QTRT2: variants seen among roughly 807,000 people sequenced by gnomAD.
QTRT2 encodes queuine tRNA-ribosyltransferase domain containing 1.
A neutral mutation model predicts 44.8 loss-of-function variants in QTRT2; 32 were observed. The ratio of observed to expected loss-of-function variants is 0.71; its 90% confidence interval spans 0.54 to 0.96. The LOEUF (loss-of-function observed/expected upper bound fraction) is 0.96. Among genes scored for constraint, QTRT2 ranks in the 40% least tolerant of loss-of-function variants. The pLI is 0.00. For missense variants in QTRT2, 461 were observed against 503.1 expected (o/e 0.92, Z 0.80); for synonymous variants, 182 against 187.4 (o/e 0.97, Z 0.24).
intron 9 of QTRT2, among the ~76,000 whole-genome samples, chr3:114,085,310 C>T (rs1037728365): frequency 6.6e-6 from 1 of 152,070 alleles, no homozygotes; most frequent in South Asian, 2.1e-4. Flanking sequence ...TGGGTTCAAG[C>T]GATTCTCCTG....
chr3:114,063,227 C>A (rs182237342), intron 2 of QTRT2, among the ~76,000 whole-genome samples: 49 of 152,210 alleles, frequency 3.2e-4, no homozygotes, highest in African/African-American at 1.1e-3. Context: ...TTGTGCTTCC[C>A]CCTGCTTCAA....
intron 2 of QTRT2, among the ~76,000 whole-genome samples, chr3:114,064,170 G>A (rs1032210564): frequency 1.3e-5 from 2 of 151,918 alleles, no homozygotes; most frequent in African/African-American, 2.4e-5. Flanking sequence ...AGCTGAGATC[G>A]CTTCACTGCA....
chr3:114,066,679 A>T (rs547277900), intron 4 of QTRT2: 1 of 160,342 alleles, frequency 6.2e-6, no homozygotes. Context: ...AGGATTCTTG[A>T]GAGAGAAGTT....
At chr3:114,070,565 T>C in intron 5 of QTRT2, 61 bp from the exon 6 acceptor site, 1 of 1,383,730 alleles carries the variant, frequency 7.2e-7, no homozygotes, top group South Asian at 1.2e-5. Flanking sequence ...ATCATTTTAA[T>C]TATTTTATTT....
chr3:114,082,847 C>A, intron 9 of QTRT2, 53 bp downstream of exon 9: 1 of 825,154 alleles, frequency 1.2e-6, no homozygotes, highest in Non-Finnish European at 2.0e-6. Context: ...GAATTTTAGT[C>A]TGTGTTAAAA....
chr3:114,061,654 T>C (rs1319196218), intron 2 of QTRT2, among the ~76,000 whole-genome samples: 1 of 152,200 alleles, frequency 6.6e-6, no homozygotes, highest in African/African-American at 2.4e-5. Flanking sequence ...CATGGCTCAC[T>C]GCAGTCTCTG....
chr3:114,068,137 C>T (rs2076978754), intron 5 of QTRT2, 74 bp downstream of exon 5: 1 of 1,150,906 alleles, frequency 8.7e-7, no homozygotes, highest in African/African-American at 1.5e-5. Flanking sequence ...CCCTCAGATG[C>T]TCAGATCCCA....
At chr3:114,057,654 G>C (rs909640457) in intron 2 of QTRT2, 1 of 152,078 alleles carries the variant, frequency 6.6e-6, no homozygotes, top group Non-Finnish European at 1.5e-5. Flanking sequence ...TTTTCAAAAG[G>C]GTAAGTTAGC....
rs1406568778 is a variant in QTRT2, at chr3:114,077,180, T to C, written c.746+238T>C. 4 of 521,932 alleles carry C rather than the reference T, an allele frequency of 7.7e-6. No homozygotes were observed. In the East Asian group the frequency reaches 1.3e-4, roughly 18 times the overall value. The allele number at this position is 521,932 out of a possible 1,614,324, so 32.3% of individuals were successfully genotyped here. A position where few individuals can be genotyped will look rare whatever the true frequency, so the allele number is the denominator to read the frequency against. On this transcript the variant is annotated intron_variant, in intron 7 of 9. Coordinates refer to ENST00000281273, the MANE Select transcript of QTRT2 (RefSeq NM_024638.4). ...ATAATTGCCATTTGAATTATGTTAT[T>C]TGATCCTCCTAAGTGAGAGCAAGTA...
At chr3:114,069,729 G>A (rs9830121) in intron 5 of QTRT2, among the ~76,000 whole-genome samples, 14,739 of 152,180 alleles carry the variant, frequency 0.097, 794 homozygotes, top group East Asian at 0.13. Flanking sequence ...TCCTTATGGC[G>A]GAATGATTTA....
rs1439503461 is a variant in QTRT2 at position 114,058,569 on chromosome 3, G to A, written c.-22+1463G>A. On this transcript the variant is annotated intron_variant, in intron 2 of 9. Coordinates refer to ENST00000281273, the MANE Select transcript of QTRT2 (RefSeq NM_024638.4). ...TTTTTTTGAGACGGCATCTTGCTTT[G>A]TTACCCAGGCTGGACTGCAGTGGCA... is the stretch of plus-strand genomic sequence containing the variant. Among the ~76,000 whole-genome samples the A allele has an allele frequency of 3.9e-5, 6 of 152,000 alleles. No individual in the cohort carries two copies. In the East Asian group the frequency reaches 1.2e-3, roughly 29 times the overall value.
At chr3:114,084,168 T>C (rs552287502) in intron 9 of QTRT2, among the ~76,000 whole-genome samples, 1 of 152,032 alleles carries the variant, frequency 6.6e-6, no homozygotes, top group South Asian at 2.1e-4. Context: ...GTTCAGGCGA[T>C]TCTCCTGCCT....
intron 4 of QTRT2, 200 bp downstream of exon 4, chr3:114,066,483 C>A: frequency 1.8e-6 from 1 of 544,400 alleles, no homozygotes. Context: ...TGGAGCCTAG[C>A]TGGGATAAAG....
intron 6 of QTRT2, among the ~76,000 whole-genome samples, chr3:114,075,314 A>G (rs2107798941): frequency 6.6e-6 from 1 of 152,264 alleles, no homozygotes; most frequent in South Asian, 2.1e-4. Context: ...ATACGTGTAT[A>G]GGGCATTCAC....
At chr3:114,060,854 C>T (rs1440738665) in intron 2 of QTRT2, among the ~76,000 whole-genome samples, 1 of 152,122 alleles carries the variant, frequency 6.6e-6, no homozygotes, top group Non-Finnish European at 1.5e-5. Flanking sequence ...AACATAAGCA[C>T]TGCAATACAG....
At position 114,068,066 on chromosome 3, in the gene QTRT2, G is replaced by C. The variant is rs747150053; in HGVS notation, c.333+3G>C. On this transcript the variant is annotated splice_donor_region_variant and intron_variant, in intron 5 of 9. Transcript: ENST00000281273. ...CGGCTGGTTATGTAACAAACAAGGT[G>C]TGTTTTCAGAAGGGTCTCCAAGGCT... The C allele has an allele frequency of 1.1e-5, 18 of 1,613,202 alleles. No homozygotes were observed. Among genetic ancestry groups the C allele is most frequent in the South Asian group, 8.8e-5 (8 of 91,070 alleles).
intron 6 of QTRT2, among the ~76,000 whole-genome samples, chr3:114,073,478 C>G (rs2077049934): frequency 1.3e-5 from 2 of 152,144 alleles, no homozygotes; most frequent in African/African-American, 4.8e-5. Flanking sequence ...CTCCCAGGTT[C>G]AAGCGATTCT....
chr3:114,067,984 C>T lies in QTRT2; in HGVS notation c.257-3C>T, dbSNP rs1381889046. 1.2e-6 allele frequency: 2 copies of T among 1,613,298 alleles called. No homozygotes were observed. The highest frequency in any genetic ancestry group is 1.7e-5 in the Admixed American group (1 of 59,984). On this transcript the variant is annotated splice_region_variant and splice_polypyrimidine_tract_variant and intron_variant, in intron 4 of 9. Coordinates refer to ENST00000281273, the MANE Select transcript of QTRT2 (RefSeq NM_024638.4). ...TCAAGGGTTCTTTTTTGTGTTTATA[C>T]AGGCATGCCAGAATCACTCTTGTAC...
At chr3:114,082,825 T>A in intron 9 of QTRT2, 31 bp downstream of exon 9, 3 of 997,946 alleles carry the variant, frequency 3.0e-6, no homozygotes. Flanking sequence ...TGGATTTTGC[T>A]TTCTGACTTC....
Sources: allele counts gnomAD v4.1 joint callset (sites outside exome capture counted in the v4.1 genomes callset), GRCh38; gene constraint gnomAD v4.1.1; transcripts MANE v1.5; gene names NCBI Gene and HGNC (gene_info 2026-07-23, HGNC 2026-07-21).